The following MTA1 variants were observed in gnomAD, a reference collection of about 807,000 sequenced individuals.
MTA1 encodes the protein metastasis-associated protein MTA1.
A neutral mutation model predicts 97.0 loss-of-function variants in MTA1; 15 were observed. That is an observed-to-expected ratio of 0.15 (90% CI 0.10 to 0.24). The LOEUF is 0.24. MTA1 is among the 10% of genes least tolerant of loss of function. The pLI, the probability that MTA1 is intolerant of heterozygous loss-of-function variation, is 1.00. For synonymous variants in MTA1, 435 were observed against 417.5 expected, an observed-to-expected ratio of 1.04 and a Z score of -0.51; for missense variants, 709 against 1,015.1, an observed-to-expected ratio of 0.70 and a Z score of 4.10.
In MTA1 at chr14:105,422,411, G is replaced by A. The variant is rs1327338442; in HGVS notation, c.28+2348G>A. 3.3e-5 allele frequency among the ~76,000 whole-genome samples: 5 copies of A among 152,118 alleles called. No homozygotes were observed. The highest frequency in any genetic ancestry group is 1.2e-4 in the African/African-American group (5 of 41,410). On this transcript the variant is annotated intron_variant, in intron 1 of 20. Coordinates refer to ENST00000331320, the MANE Select transcript of MTA1 (RefSeq NM_004689.4). This position sits in a 1 kb window ranked among gnomAD's most constrained non-coding sequence, Gnocchi z 4.3. ...TCTCCTGAGCAGCCTTTGTCCGTCT[G>A]TCGCCGGCTGCCTGGCACGGGCTCC...
chr14:105,426,706 C>G (rs1314740696), intron 1 of MTA1, among the ~76,000 whole-genome samples: 1 of 152,216 alleles, frequency 6.6e-6, no homozygotes. Flanking sequence ...TGCTGGGGCT[C>G]TGGTCTCCGA....
chr14:105,423,739 T>G (rs1393971017), intron 1 of MTA1, among the ~76,000 whole-genome samples: 1 of 152,270 alleles, frequency 6.6e-6, no homozygotes, highest in Admixed American at 6.5e-5. Flanking sequence ...TCTGGCGCGC[T>G]GTTAGAAATG....
At chr14:105,453,219 C>T (rs1461917470) in intron 6 of MTA1, among the ~76,000 whole-genome samples, 1 of 152,270 alleles carries the variant, frequency 6.6e-6, no homozygotes, top group African/African-American at 2.4e-5. Flanking sequence ...GGGTGGCGGC[C>T]GGCGGTGCTG....
Position 105,469,714 on chromosome 14 carries a change from G to C in MTA1, c.1846-127G>C, listed in dbSNP as rs75333440. 2,659 of 1,378,010 alleles carry C rather than the reference G, an allele frequency of 1.9e-3. 142 individuals carry two copies. The East Asian group carries it at 0.06, about 31-fold the overall frequency. The allele number at this position is 1,378,010 out of a possible 1,614,324, so 85.4% of individuals were successfully genotyped here. A position where few individuals can be genotyped will look rare whatever the true frequency, so the allele number is the denominator to read the frequency against. ...CCTCAGGGCTGCCCTGGGCCAGGCTGGGGGTCCGTGTAACTCACTGGGGTG... is the reference window on the plus strand; with the variant it reads ...CCTCAGGGCTGCCCTGGGCCAGGCTCGGGGTCCGTGTAACTCACTGGGGTG... On this transcript the variant is annotated intron_variant, in intron 19 of 20. Transcript: ENST00000331320.
rs147221007 is a variant in MTA1, at chr14:105,453,580, C to T, written c.433-613C>T. 2.2e-4 allele frequency among the ~76,000 whole-genome samples: 34 copies of T among 152,222 alleles called. 2 individuals carry two copies. In the East Asian group the frequency reaches 6.0e-3, roughly 27 times the overall value. On this transcript the variant is annotated intron_variant, in intron 6 of 20. Transcript: ENST00000331320. ...ATTCCAGCACTTTGGGAGGCCGAGG[C>T]GGGTGGATCACCTGAGCTCAGGAGT...
At chr14:105,432,581 G>A (rs937763544) in intron 1 of MTA1, among the ~76,000 whole-genome samples, 8 of 152,208 alleles carry the variant, frequency 5.3e-5, no homozygotes, top group African/African-American at 1.9e-4. Flanking sequence ...TTCAGAATGA[G>A]AAGAACCACT....
intron 2 of MTA1, among the ~76,000 whole-genome samples, chr14:105,443,339 A>C (rs1287512731): frequency 6.6e-6 from 1 of 152,156 alleles, no homozygotes; most frequent in Admixed American, 6.5e-5. Context: ...GGCTGTGCAG[A>C]GCAACTGAGC....
At position 105,449,416 on chromosome 14, in the gene MTA1, G is replaced by T; in HGVS notation, c.241+7G>T. 6.2e-7 allele frequency: 1 copy of T among 1,610,696 alleles called. No homozygotes were observed. Among genetic ancestry groups the T allele is most frequent in the South Asian group, 1.1e-5 (1 of 90,772 alleles). ...GCGGACAACGGCGAGGAAGGTAAGA[G>T]CCGGCCTCCGCAAGGAGGGCGTCCT... On this transcript the variant is annotated splice_region_variant and intron_variant, in intron 4 of 20. Transcript: ENST00000331320.
intron 7 of MTA1, among the ~76,000 whole-genome samples, chr14:105,456,937 TGGCCCA>T (rs2083176449): frequency 6.6e-6 from 1 of 152,210 alleles, no homozygotes; most frequent in Non-Finnish European, 1.5e-5. Flanking sequence ...CCTGGACACA[TGGCCCA>T]GGATGTCCGG....
Position 105,464,796 on chromosome 14 carries a change from C to G in MTA1, c.1467C>G (p.Ile489Met). 4 of 1,605,546 alleles carry G rather than the reference C, an allele frequency of 2.5e-6. No homozygotes were observed. The highest frequency in any genetic ancestry group is 3.4e-6 in the Non-Finnish European group (4 of 1,174,342). ...TRIARRLCRE[I>M]LRPWHAARHP... The stretch of plus-strand genomic sequence containing the variant: ...TCGCCCGGCGCCTGTGCCGTGAGAT[C>G]CTGCGCCCGTGGCACGCTGCGCGGC... Residue 489 changes from isoleucine to methionine, a missense_variant, in exon 15 of 21, where the codon ATC (isoleucine) becomes ATG (methionine). Ile to Met is a conservative substitution (Grantham distance 10). Coordinates refer to ENST00000331320, the MANE Select transcript of MTA1 (RefSeq NM_004689.4).
At chr14:105,445,722 C>A (rs1555426994) in intron 3 of MTA1, 1 of 682,396 alleles carries the variant, frequency 1.5e-6, no homozygotes, top group South Asian at 1.5e-5. Context: ...GAAGTCCTCG[C>A]ACGCCCCCCG....
intron 8 of MTA1, among the ~76,000 whole-genome samples, chr14:105,459,071 G>A (rs113594141): frequency 9.6e-5 from 13 of 135,728 alleles, no homozygotes; most frequent in East Asian, 4.6e-4. Flanking sequence ...TGCCTGGGGG[G>A]AGTCCGTGCT....
intron 3 of MTA1, among the ~76,000 whole-genome samples, chr14:105,447,493 G>A (rs587776008): frequency 6.6e-6 from 1 of 152,294 alleles, no homozygotes; most frequent in South Asian, 2.1e-4. Context: ...TGCTGGAAGA[G>A]CCCCAGAAGG....
chr14:105,470,288 C>T lies in MTA1; in HGVS notation c.*73C>T. On this transcript the variant is annotated 3_prime_UTR_variant, in exon 21 of 21. Coordinates refer to ENST00000331320, the MANE Select transcript of MTA1 (RefSeq NM_004689.4). ...GGCCCCTTCCCAGCCAGCCCGCCGC[C>T]CGCCCCTCAGTTTGGTAGTGCCCCA... The T allele has an allele frequency of 4.6e-6, 6 of 1,308,654 alleles. No homozygotes were observed. The highest frequency in any genetic ancestry group is 5.9e-6 in the Non-Finnish European group (6 of 1,015,144). The allele number at this position is 1,308,654 out of a possible 1,614,324, so 81.1% of individuals were successfully genotyped here.
At chr14:105,469,654 C>T in intron 19 of MTA1, 156 bp downstream of exon 19, 1 of 1,208,140 alleles carries the variant, frequency 8.3e-7, no homozygotes, top group Admixed American at 2.1e-5. Flanking sequence ...GGCCATGGCC[C>T]CTGTGCCAGG....
At chr14:105,466,812 G>T in intron 18 of MTA1, 70 bp downstream of exon 18, 1 of 1,503,340 alleles carries the variant, frequency 6.7e-7, no homozygotes, top group Non-Finnish European at 8.9e-7. Flanking sequence ...GCTGCTCTGT[G>T]TCCCCGCGGC....
At position 105,463,284 on chromosome 14, in the gene MTA1, C is replaced by G; in HGVS notation, c.1017+26C>G. On this transcript the variant is annotated intron_variant, in intron 11 of 20. Transcript: ENST00000331320. This position sits in a 1 kb window ranked among gnomAD's most constrained non-coding sequence, Gnocchi z 5.9. ...GTGAGCCCGCCCGCCACTCAGTGCC[C>G]GGGGTGTGCCGCCTCCCCGTCCTGC... is the stretch of plus-strand genomic sequence containing the variant. 3 of 1,609,996 alleles carry G rather than the reference C, an allele frequency of 1.9e-6. No individual in the cohort carries two copies. The highest frequency in any genetic ancestry group is 2.5e-6 in the Non-Finnish European group (3 of 1,178,976).
At chr14:105,432,415 A>G (rs1220610366) in intron 1 of MTA1, among the ~76,000 whole-genome samples, 3 of 151,798 alleles carry the variant, frequency 2.0e-5, no homozygotes, top group Non-Finnish European at 4.4e-5. Context: ...TAATTTTTGT[A>G]TTTTTAGTGG....
intron 1 of MTA1, among the ~76,000 whole-genome samples, chr14:105,427,354 T>TG (rs2082043679): frequency 6.6e-6 from 1 of 152,184 alleles, no homozygotes; most frequent in Non-Finnish European, 1.5e-5. Context: ...TTCTTGCATT[T>TG]GGGGGCTCTT....
Sources: gnomAD v4.1 joint callset for allele counts (sites outside exome capture counted in the v4.1 genomes callset) on GRCh38, gnomAD v4.1.1 for gene constraint, Gnocchi (gnomAD v3.1) non-coding constraint, MANE v1.5 for transcripts, NCBI Gene and HGNC (gene_info 2026-07-23, HGNC 2026-07-21) for gene names.